The following SCARB1 variants were observed in gnomAD, a reference collection of about 807,000 sequenced individuals.
The protein encoded by SCARB1 is scavenger receptor class B member 1.
In SCARB1, 30 loss-of-function variants were observed where a neutral mutation model predicts 57.2. The observed-to-expected ratio is 0.52, with a 90% CI of 0.39 to 0.71. SCARB1 has a LOEUF of 0.71. Among genes scored for constraint, SCARB1 ranks in the 30% least tolerant of loss-of-function variants. The probability of loss-of-function intolerance (pLI) is 0.00; values close to 1 mark genes in which losing one functional copy is unlikely to be tolerated. For synonymous variants in SCARB1, 249 were observed against 268.3 expected (o/e 0.93, Z 0.70); for missense variants, 543 against 671.2 (o/e 0.81, Z 2.11).
At position 124,831,234 on chromosome 12, in the gene SCARB1, C is replaced by T. The variant is rs542992624; in HGVS notation, c.127-13527G>A. Among the ~76,000 whole-genome samples, 8 of 152,282 alleles carry T rather than the reference C, an allele frequency of 5.3e-5. No individual in the cohort carries two copies. The South Asian group carries it at 1.7e-3, about 32-fold the overall frequency. ...CCTCAGGTGATCTGCCTGCCTCGGC[C>T]TCCCAAAGTGCTAGGATTACAGGCA... On this transcript the variant is annotated intron_variant, in intron 1 of 12. Transcript: ENST00000261693.
rs184021708 is a variant in SCARB1 at position 124,845,224 on chromosome 12, G to A, written c.126+18371C>T. 4.6e-4 allele frequency among the ~76,000 whole-genome samples: 70 copies of A among 152,210 alleles called. 1 individual carries two copies. Among genetic ancestry groups the A allele is most frequent in the Middle Eastern group, 3.4e-3 (1 of 294 alleles). ...GCTCCCGGCAGCCACCAGCCCAGACGCCCATCCACAGAGGCGCGGAAAAAC... is the reference window on the plus strand; with the variant it reads ...GCTCCCGGCAGCCACCAGCCCAGACACCCATCCACAGAGGCGCGGAAAAAC... On this transcript the variant is annotated intron_variant, in intron 1 of 12. Transcript: ENST00000261693.
chr12:124,792,721 C>T (rs1167504050), intron 9 of SCARB1, among the ~76,000 whole-genome samples: 1 of 31,726 alleles, frequency 3.2e-5, no homozygotes, highest in East Asian at 9.9e-4. Flanking sequence ...GACTTCGTCT[C>T]AAAAAAAAAA....
chr12:124,818,616 C>T (rs1191629494), intron 1 of SCARB1, among the ~76,000 whole-genome samples: 1 of 152,124 alleles, frequency 6.6e-6, no homozygotes, highest in African/African-American at 2.4e-5. Flanking sequence ...CAGGCCCCCA[C>T]CATCACGCCT....
chr12:124,823,209 T>C (rs946619735), intron 1 of SCARB1, among the ~76,000 whole-genome samples: 12 of 152,230 alleles, frequency 7.9e-5, no homozygotes, highest in African/African-American at 2.7e-4. Context: ...GAAAAATGTA[T>C]GGTGTTATTC....
Position 124,786,469 on chromosome 12 carries a change from A to C in SCARB1, c.1289T>G (p.Phe430Cys). 3 of 1,614,110 alleles carry C rather than the reference A, an allele frequency of 1.9e-6. No individual in the cohort carries two copies. The highest frequency in any genetic ancestry group is 2.5e-6 in the Non-Finnish European group (3 of 1,180,024). The stretch of plus-strand genomic sequence containing the variant: ...GGGCATCAACACCAGCTGAGTGTAG[A>C]ATGTGTGAAGAGTCTCCCCCTCCAT... ...GAMEGETLHT[F>C]YTQLVLMPKV... Residue 430 changes from phenylalanine (F) to cysteine (C), a missense_variant, in exon 11 of 13, where the codon TTC (phenylalanine) becomes TGC (cysteine). By Grantham distance (205) the Phe-to-Cys change is radical. Transcript: ENST00000261693.
At chr12:124,823,454 G>A (rs1349605378) in intron 1 of SCARB1, among the ~76,000 whole-genome samples, 2 of 152,192 alleles carry the variant, frequency 1.3e-5, no homozygotes, top group African/African-American at 4.8e-5. Context: ...CACCAGGATG[G>A]CTAGAATTTT....
intron 1 of SCARB1, among the ~76,000 whole-genome samples, chr12:124,843,220 C>G (rs1034757597): frequency 1.4e-4 from 21 of 151,006 alleles, no homozygotes; most frequent in Admixed American, 3.3e-4. Flanking sequence ...GGGAGAGGCA[C>G]GTGACCATCC....
intron 1 of SCARB1, among the ~76,000 whole-genome samples, chr12:124,856,023 C>A (rs1345688916): frequency 6.6e-6 from 1 of 152,222 alleles, no homozygotes; most frequent in Admixed American, 6.5e-5. Context: ...AGCTTCGCCA[C>A]GTTCTAGTTA....
chr12:124,819,880 C>G (rs949608300), intron 1 of SCARB1, among the ~76,000 whole-genome samples: 1 of 152,228 alleles, frequency 6.6e-6, no homozygotes, highest in African/African-American at 2.4e-5. Context: ...CTGTGAACCT[C>G]AAGTTTCTCA....
At chr12:124,821,236 TCACA>T (rs60380028) in intron 1 of SCARB1, 96,062 of 192,580 alleles carry the variant, frequency 0.5, 23,845 homozygotes, top group Middle Eastern at 0.63. Context: ...AGACTCCATC[TCACA>T]CACACACACA....
At chr12:124,816,151 C>T (rs897244265) in intron 2 of SCARB1, among the ~76,000 whole-genome samples, 14 of 152,190 alleles carry the variant, frequency 9.2e-5, no homozygotes, top group East Asian at 7.7e-4. Flanking sequence ...CCAGTCAGAC[C>T]GAGCCCCAAG....
chr12:124,812,914 T>C lies in SCARB1; in HGVS notation c.631-949A>G, dbSNP rs1420632184. On this transcript the variant is annotated intron_variant, in intron 4 of 12. Coordinates refer to ENST00000261693, the MANE Select transcript of SCARB1 (RefSeq NM_005505.5). This position sits in a 1 kb window ranked among gnomAD's most constrained non-coding sequence, Gnocchi z 4.3. The stretch of plus-strand genomic sequence containing the variant: ...CATGTGCAAAAACGGCCAGGTACAG[T>C]GCACCGGACACAGTAAGAGCTCAAA... 6.6e-6 allele frequency among the ~76,000 whole-genome samples: 1 copy of C among 152,178 alleles called. No homozygotes were observed. Among genetic ancestry groups the C allele is most frequent in the East Asian group, 1.9e-4 (1 of 5,200 alleles).
intron 1 of SCARB1, among the ~76,000 whole-genome samples, chr12:124,840,852 A>C (rs1033206544): frequency 1.4e-4 from 22 of 152,082 alleles, no homozygotes; most frequent in African/African-American, 4.3e-4. Context: ...TCCCTTCTCC[A>C]GACAGCAGCC....
At chr12:124,799,205 T>C (rs1011081307) in intron 8 of SCARB1, among the ~76,000 whole-genome samples, 4 of 152,182 alleles carry the variant, frequency 2.6e-5, no homozygotes, top group African/African-American at 9.7e-5. Context: ...CACTCAAAAA[T>C]AGACAGCTTT....
chr12:124,846,193 G>A (rs1175718423), intron 1 of SCARB1, among the ~76,000 whole-genome samples: 1 of 152,066 alleles, frequency 6.6e-6, no homozygotes, highest in African/African-American at 2.4e-5. Context: ...TGAATTATTC[G>A]ATTTACAAGG....
intron 1 of SCARB1, among the ~76,000 whole-genome samples, chr12:124,849,580 G>T (rs1952305171): frequency 6.6e-6 from 1 of 152,192 alleles, no homozygotes; most frequent in Non-Finnish European, 1.5e-5. Flanking sequence ...GGCCCTCCTG[G>T]CCTCCATCCA....
At chr12:124,792,133 G>C (rs568595847) in intron 9 of SCARB1, among the ~76,000 whole-genome samples, 7 of 152,258 alleles carry the variant, frequency 4.6e-5, no homozygotes, top group African/African-American at 1.7e-4. Flanking sequence ...GAAAGACTTT[G>C]TAAGAACCAA....
chr12:124,817,141 T>C lies in SCARB1; in HGVS notation c.284+409A>G, dbSNP rs889051542. Among the ~76,000 whole-genome samples, 1 of 151,344 alleles carries C rather than the reference T, an allele frequency of 6.6e-6. No individual in the cohort carries two copies. The highest frequency in any genetic ancestry group is 2.4e-5 in the African/African-American group (1 of 41,164). On this transcript the variant is annotated intron_variant, in intron 2 of 12. Coordinates refer to ENST00000261693, the MANE Select transcript of SCARB1 (RefSeq NM_005505.5). This position sits in a 1 kb window ranked among gnomAD's most constrained non-coding sequence, Gnocchi z 4.8. The stretch of plus-strand genomic sequence containing the variant: ...GTATGTATGTATGTGTGTATGTGTA[T>C]GTGTATGTGTGTGTATGTATGTGTG...
In SCARB1 at chr12:124,795,283, A is replaced by C; in HGVS notation, c.1129-15T>G. ...ATTCCCGTGACCTGCGGCAACAAAC[A>C]CAGTGAGGAGACTGGCCACCCCCAA... On this transcript the variant is annotated splice_polypyrimidine_tract_variant and intron_variant, in intron 8 of 12. Coordinates refer to ENST00000261693, the MANE Select transcript of SCARB1 (RefSeq NM_005505.5). 1 of 1,611,466 alleles carries C rather than the reference A, an allele frequency of 6.2e-7. No homozygotes were observed. Among genetic ancestry groups the C allele is most frequent in the Non-Finnish European group, 8.5e-7 (1 of 1,177,758 alleles).
Sources: allele counts gnomAD v4.1 joint callset (sites outside exome capture counted in the v4.1 genomes callset), GRCh38; gene constraint gnomAD v4.1.1; non-coding constraint Gnocchi (gnomAD v3.1); transcripts MANE v1.5; gene names NCBI Gene and HGNC (gene_info 2026-07-23, HGNC 2026-07-21).